Variants in CEP104 observed in about 807,000 individuals in gnomAD.
CEP104 encodes the protein centrosomal protein 104.
A neutral mutation model predicts 113.3 loss-of-function variants in CEP104; 84 were observed. The observed-to-expected ratio is 0.74, with a 90% CI of 0.62 to 0.89. The LOEUF is 0.89. CEP104 is among the 40% of genes least tolerant of loss of function. The pLI is 0.00. For missense variants in CEP104, 1,053 were observed against 1,156.6 expected (o/e 0.91, Z 1.30); for synonymous variants, 378 against 421.7 (o/e 0.90, Z 1.27).
At position 3,845,490 on chromosome 1, in the gene CEP104, T is replaced by C. The variant is rs978821244; in HGVS notation, c.427-139A>G. 6 of 625,186 alleles carry C rather than the reference T, an allele frequency of 9.6e-6. 1 individual carries two copies. Among genetic ancestry groups the C allele is most frequent in the Non-Finnish European group, 1.7e-5 (6 of 355,554 alleles). The allele number at this position is 625,186 out of a possible 1,614,324, so 38.7% of individuals were successfully genotyped here. On this transcript the variant is annotated intron_variant, in intron 4 of 21. Coordinates refer to ENST00000378230, the MANE Select transcript of CEP104 (RefSeq NM_014704.4). ...GGTGTGATCATGGCTCACTGCAGCC[T>C]TGACCTCCCGGGCTCAAGGGATCCT... is the stretch of plus-strand genomic sequence containing the variant.
chr1:3,829,643 G>A (rs949980561), intron 14 of CEP104, 148 bp downstream of exon 14: 9 of 843,062 alleles, frequency 1.1e-5, no homozygotes, highest in Middle Eastern at 3.6e-4. Context: ...ATCTGAATGC[G>A]GGAACCTGTG....
chr1:3,820,189 A>G (rs923337772), intron 20 of CEP104, among the ~76,000 whole-genome samples: 7 of 152,186 alleles, frequency 4.6e-5, no homozygotes, highest in Admixed American at 3.9e-4. Flanking sequence ...GAGGATGTCA[A>G]TTCAAATCAG....
chr1:3,838,261 T>C (rs1644351864), intron 8 of CEP104, among the ~76,000 whole-genome samples: 2 of 152,166 alleles, frequency 1.3e-5, no homozygotes, highest in South Asian at 4.1e-4. Flanking sequence ...CAAGTGATCC[T>C]CCTGTCTCAC....
At chr1:3,828,192 C>T (rs1644130008) in intron 15 of CEP104, among the ~76,000 whole-genome samples, 1 of 152,170 alleles carries the variant, frequency 6.6e-6, no homozygotes, top group South Asian at 2.1e-4. Flanking sequence ...TACATGCTAG[C>T]TCATGGCTGG....
At chr1:3,845,475 T>C in intron 4 of CEP104, 124 bp from the exon 5 acceptor site, 1 of 714,872 alleles carries the variant, frequency 1.4e-6, no homozygotes, top group Non-Finnish European at 2.4e-6. Flanking sequence ...GGTGTGATCA[T>C]GGCTCACTGC....
At chr1:3,845,374 G>T (rs1644488467) in intron 4 of CEP104, 23 bp from the exon 5 acceptor site, 2 of 1,491,480 alleles carry the variant, frequency 1.3e-6, no homozygotes, top group Non-Finnish European at 1.9e-6. Context: ...TAAAATAACA[G>T]AATTAAATAT....
chr1:3,831,656 CA>C (rs1644210672), intron 12 of CEP104, among the ~76,000 whole-genome samples: 1 of 152,114 alleles, frequency 6.6e-6, no homozygotes, highest in African/African-American at 2.4e-5. Flanking sequence ...ATACGGTCAC[CA>C]GTGGGTTAAG....
intron 4 of CEP104, among the ~76,000 whole-genome samples, chr1:3,846,549 C>A (rs1441088170): frequency 1.3e-5 from 2 of 152,098 alleles, no homozygotes; most frequent in African/African-American, 4.8e-5. Context: ...ATTTAAAAAT[C>A]TTTATTAAAA....
chr1:3,814,026 G>C lies in CEP104; in HGVS notation c.*1376C>G, dbSNP rs1283868106. ...GGCCAGGGAGTACATTGTTCAAATC[G>C]GGATTAGTTTTTAGATATTTTGTTG... On this transcript the variant is annotated 3_prime_UTR_variant, in exon 22 of 22. Transcript: ENST00000378230. 6.6e-6 allele frequency: 1 copy of C among 152,144 alleles called. No individual in the cohort carries two copies. The highest frequency in any genetic ancestry group is 1.5e-5 in the Non-Finnish European group (1 of 68,034). 9.4% of individuals were successfully genotyped at this position (152,144 alleles called of 1,614,324 possible).
chr1:3,822,223 G>C (rs1480029932), intron 20 of CEP104, among the ~76,000 whole-genome samples: 1 of 129,750 alleles, frequency 7.7e-6, no homozygotes, highest in Non-Finnish European at 1.6e-5. Flanking sequence ...CTGAGAGAGA[G>C]AGAGACTGAC....
rs1403114787 is a variant in CEP104 at position 3,823,641 on chromosome 1, C to T, written c.2365-79G>A. On this transcript the variant is annotated intron_variant, in intron 18 of 21. Transcript: ENST00000378230. This position sits in a 1 kb window ranked among gnomAD's most constrained non-coding sequence, Gnocchi z 4.1. ...CCAGCCAGCCTGCAGAGCCTGTGAG[C>T]GCCTCCCCTGCCCAGGGAGGTCTGT... The T allele has an allele frequency of 2.3e-5, 37 of 1,576,064 alleles. No homozygotes were observed. Among genetic ancestry groups the T allele is most frequent in the South Asian group, 9.0e-5 (8 of 89,088 alleles).
chr1:3,832,983 G>A (rs1644245190), intron 12 of CEP104, among the ~76,000 whole-genome samples: 1 of 123,638 alleles, frequency 8.1e-6, no homozygotes, highest in African/African-American at 3.4e-5. Context: ...GCCTGGCCTG[G>A]ATTCTTTTTT....
At chr1:3,817,160 G>A (rs191521006) in intron 20 of CEP104, among the ~76,000 whole-genome samples, 240 of 152,220 alleles carry the variant, frequency 1.6e-3, no homozygotes, top group Non-Finnish European at 2.4e-3. Context: ...GTGAAACCCC[G>A]TCTCTACTAA....
At chr1:3,816,406 C>A (rs74049752) in intron 20 of CEP104, 36 bp from the exon 21 acceptor site, 2 of 1,497,822 alleles carry the variant, frequency 1.3e-6, no homozygotes, top group Admixed American at 4.2e-5. Context: ...GTTAATCAGG[C>A]GAGACGGACC....
At chr1:3,821,823 C>G (rs1643979443) in intron 20 of CEP104, among the ~76,000 whole-genome samples, 1 of 152,210 alleles carries the variant, frequency 6.6e-6, no homozygotes, top group Non-Finnish European at 1.5e-5. Flanking sequence ...CAGCTCCTTC[C>G]TTCACCAAGT....
rs146352468 is a variant in CEP104, at chr1:3,846,304, C to A, written c.427-953G>T. On this transcript the variant is annotated intron_variant, in intron 4 of 21. Coordinates refer to ENST00000378230, the MANE Select transcript of CEP104 (RefSeq NM_014704.4). ...CACTTTTCCATCCTGCACCCCCAACCACTGTAGACTAACCCCACACCGCTT... is the reference window on the plus strand; with the variant it reads ...CACTTTTCCATCCTGCACCCCCAACAACTGTAGACTAACCCCACACCGCTT... 3.3e-5 allele frequency among the ~76,000 whole-genome samples: 5 copies of A among 152,208 alleles called. No individual in the cohort carries two copies. The East Asian group carries it at 9.7e-4, about 29-fold the overall frequency.
chr1:3,813,744 G>A lies in CEP104; in HGVS notation c.*1658C>T. ...GTGCACCTGTAATCCCAGCTACTAGGGAGGCTGAGGCAGGAGAATTGCTTG... is the reference window on the plus strand; with the variant it reads ...GTGCACCTGTAATCCCAGCTACTAGAGAGGCTGAGGCAGGAGAATTGCTTG... On this transcript the variant is annotated 3_prime_UTR_variant, in exon 22 of 22. Transcript: ENST00000378230. The A allele has an allele frequency of 6.6e-6, 1 of 152,060 alleles. No individual in the cohort carries two copies. Among genetic ancestry groups the A allele is most frequent in the Non-Finnish European group, 1.5e-5 (1 of 68,024 alleles). 9.4% of individuals were successfully genotyped at this position (152,060 alleles called of 1,614,324 possible).
At chr1:3,826,287 G>T in intron 17 of CEP104, 83 bp downstream of exon 17, 1 of 1,197,872 alleles carries the variant, frequency 8.3e-7, no homozygotes, top group Non-Finnish European at 1.2e-6. Flanking sequence ...GGCCAACTAG[G>T]GAGGACGCAT....
Position 3,852,281 on chromosome 1 carries a change from C to T in CEP104, c.113+14G>A, listed in dbSNP as rs369214357. ...CTGCCTCCCAGCCCAAGCCCCGCCC[C>T]GTCCAGTCCTCACCTAGGTGACCGC... On this transcript the variant is annotated intron_variant, in intron 2 of 21. Transcript: ENST00000378230. The T allele has an allele frequency of 1.3e-4, 214 of 1,610,142 alleles. No individual in the cohort carries two copies. The highest frequency in any genetic ancestry group is 1.7e-4 in the Middle Eastern group (1 of 6,060).
Sources: allele counts gnomAD v4.1 joint callset (sites outside exome capture counted in the v4.1 genomes callset), GRCh38; gene constraint gnomAD v4.1.1; non-coding constraint Gnocchi (gnomAD v3.1); transcripts MANE v1.5; gene names NCBI Gene and HGNC (gene_info 2026-07-23, HGNC 2026-07-21).